XRN1: variants seen among roughly 807,000 people sequenced by gnomAD.
The protein encoded by XRN1 is 5'-3' exoribonuclease 1, also known as strand-exchange protein 1 homolog.
In XRN1, 67 loss-of-function variants were observed where a neutral mutation model predicts 222.3. That is an observed-to-expected ratio of 0.30 (90% CI 0.25 to 0.37). XRN1 has a LOEUF of 0.37. XRN1 is among the 10% of genes least tolerant of loss of function. XRN1 has a pLI of 1.00. For synonymous variants in XRN1, 643 were observed against 652.4 expected, an observed-to-expected ratio of 0.99 and a Z score of 0.22; for missense variants, 1,707 against 2,000.2, an observed-to-expected ratio of 0.85 and a Z score of 2.80.
chr3:142,345,836 T>G (rs1050273695), intron 33 of XRN1, among the ~76,000 whole-genome samples: 2 of 152,144 alleles, frequency 1.3e-5, no homozygotes, highest in African/African-American at 4.8e-5. Flanking sequence ...CACAAGAACA[T>G]TCCACCTCAC....
chr3:142,330,847 C>T (rs776661405), intron 36 of XRN1, among the ~76,000 whole-genome samples: 4 of 152,106 alleles, frequency 2.6e-5, no homozygotes, highest in Non-Finnish European at 4.4e-5. Flanking sequence ...GCTCTTGTTG[C>T]CCAGGCTCGA....
intron 33 of XRN1, among the ~76,000 whole-genome samples, chr3:142,339,561 C>T (rs1348669904): frequency 6.6e-6 from 1 of 152,194 alleles, no homozygotes; most frequent in Non-Finnish European, 1.5e-5. Flanking sequence ...CAGCAAAAAA[C>T]ATGACTTCAA....
chr3:142,447,615 G>C lies in XRN1; in HGVS notation c.75+255C>G, dbSNP rs538628138. 6.6e-6 allele frequency among the ~76,000 whole-genome samples: 1 copy of C among 152,342 alleles called. No homozygotes were observed. Among genetic ancestry groups the C allele is most frequent in the South Asian group, 2.1e-4 (1 of 4,826 alleles). ...TCCCAGGACTTCATTTCGGAGTCGC[G>C]GAAGGACCAGCAGAAGCAAGAGCTG... On this transcript the variant is annotated intron_variant, in intron 1 of 40. Coordinates refer to ENST00000392981, the MANE Select transcript of XRN1 (RefSeq NM_001282857.2). This position sits in a 1 kb window ranked among gnomAD's most constrained non-coding sequence, Gnocchi z 4.2.
At chr3:142,406,683 C>T (rs1009539653) in intron 15 of XRN1, among the ~76,000 whole-genome samples, 2 of 151,906 alleles carry the variant, frequency 1.3e-5, no homozygotes, top group Admixed American at 6.6e-5. Context: ...TACACCACAA[C>T]ATCCAGTTCA....
intron 20 of XRN1, among the ~76,000 whole-genome samples, chr3:142,396,942 T>A (rs559339310): frequency 1.3e-5 from 2 of 152,050 alleles, no homozygotes; most frequent in Non-Finnish European, 2.9e-5. Flanking sequence ...GTAAAGGGAA[T>A]GGGGAACGGG....
intron 39 of XRN1, among the ~76,000 whole-genome samples, chr3:142,313,419 C>T (rs1211891457): frequency 1.3e-5 from 2 of 152,094 alleles, no homozygotes; most frequent in East Asian, 3.9e-4. Flanking sequence ...CTCTGAGGGG[C>T]CCTGGAGTTT....
intron 25 of XRN1, among the ~76,000 whole-genome samples, chr3:142,372,369 G>A (rs1247692847): frequency 6.6e-6 from 1 of 152,054 alleles, no homozygotes; most frequent in Non-Finnish European, 1.5e-5. Flanking sequence ...ATGCAGGTAG[G>A]GAGTGCTTGT....
At chr3:142,354,359 T>C (rs571485523) in intron 32 of XRN1, among the ~76,000 whole-genome samples, 1 of 152,276 alleles carries the variant, frequency 6.6e-6, no homozygotes, top group African/African-American at 2.4e-5. Context: ...CTGTAGAAAG[T>C]AGTTTGGAGA....
intron 6 of XRN1, 63 bp from the exon 7 acceptor site, chr3:142,422,985 G>T (rs1327323917): frequency 8.5e-6 from 11 of 1,294,798 alleles, no homozygotes; most frequent in Non-Finnish European, 1.2e-5. Flanking sequence ...GCTTAAAAAT[G>T]TAACAAAGCT....
rs73238192 is a variant in XRN1 at position 142,435,441 on chromosome 3, A to G, written c.76-2548T>C. Reference sequence around the variant, plus strand: ...TCAACATCTCTAACACATAAAAAATACTGAAATACTGAAATATAAGAAAAA... The same window carrying G: ...TCAACATCTCTAACACATAAAAAATGCTGAAATACTGAAATATAAGAAAAA... On this transcript the variant is annotated intron_variant, in intron 1 of 40. Coordinates refer to ENST00000392981, the MANE Select transcript of XRN1 (RefSeq NM_001282857.2). 1,454 of 150,736 alleles carry G rather than the reference A, an allele frequency of 9.6e-3. 8 individuals are homozygous for G. The highest frequency in any genetic ancestry group is 0.016 in the Non-Finnish European group (1,075 of 67,688). 9.3% of individuals were successfully genotyped at this position (150,736 alleles called of 1,614,324 possible). A position where few individuals can be genotyped will look rare whatever the true frequency, so the allele number is the denominator to read the frequency against.
intron 20 of XRN1, among the ~76,000 whole-genome samples, chr3:142,386,764 G>T (rs1305909353): frequency 6.6e-6 from 1 of 152,000 alleles, no homozygotes; most frequent in African/African-American, 2.4e-5. Flanking sequence ...TAGTCATCAG[G>T]GAAATGCAAA....
chr3:142,342,023 C>T (rs2066007676), intron 33 of XRN1, among the ~76,000 whole-genome samples: 1 of 152,154 alleles, frequency 6.6e-6, no homozygotes, highest in South Asian at 2.1e-4. Flanking sequence ...ATTGTACTGA[C>T]TTTCCAGATG....
intron 2 of XRN1, among the ~76,000 whole-genome samples, chr3:142,431,938 T>TA (rs1345141354): frequency 2.1e-5 from 2 of 97,390 alleles, no homozygotes; most frequent in African/African-American, 8.6e-5. Context: ...ATATATTGTA[T>TA]ATATTATATA....
At chr3:142,350,070 A>G (rs1287132227) in intron 32 of XRN1, among the ~76,000 whole-genome samples, 1 of 152,176 alleles carries the variant, frequency 6.6e-6, no homozygotes, top group East Asian at 1.9e-4. Context: ...AGAACAGACT[A>G]TTATGTCCAA....
chr3:142,317,248 A>T (rs1288872521), intron 39 of XRN1, among the ~76,000 whole-genome samples: 1 of 151,998 alleles, frequency 6.6e-6, no homozygotes, highest in African/African-American at 2.4e-5. Flanking sequence ...AAAGTTTATT[A>T]TTTTTTTGAC....
intron 20 of XRN1, among the ~76,000 whole-genome samples, chr3:142,386,778 A>G (rs2067518919): frequency 6.6e-6 from 1 of 152,158 alleles, no homozygotes; most frequent in African/African-American, 2.4e-5. Context: ...ATGCAAATTA[A>G]AGCAAAATGA....
intron 29 of XRN1, among the ~76,000 whole-genome samples, chr3:142,364,402 G>A (rs2066753095): frequency 1.3e-5 from 2 of 152,086 alleles, no homozygotes; most frequent in Admixed American, 1.3e-4. Context: ...GGCACATTCA[G>A]ATATTTAGCT....
chr3:142,338,975 T>C (rs960705860), intron 33 of XRN1, among the ~76,000 whole-genome samples: 15 of 152,216 alleles, frequency 9.9e-5, no homozygotes, highest in Admixed American at 6.5e-5. Context: ...CCCTGTCTCC[T>C]GGATGGCATC....
chr3:142,386,667 A>G (rs2067513249), intron 20 of XRN1, among the ~76,000 whole-genome samples: 1 of 152,144 alleles, frequency 6.6e-6, no homozygotes, highest in African/African-American at 2.4e-5. Flanking sequence ...CCCAATTTTA[A>G]AAAGGGCAAC....
Sources: allele counts gnomAD v4.1 joint callset (sites outside exome capture counted in the v4.1 genomes callset), GRCh38; gene constraint gnomAD v4.1.1; non-coding constraint Gnocchi (gnomAD v3.1); transcripts MANE v1.5; gene names NCBI Gene and HGNC (gene_info 2026-07-23, HGNC 2026-07-21).